ARID1B: variants seen among roughly 807,000 people sequenced by gnomAD.
The protein encoded by ARID1B is AT-rich interaction domain 1B.
ARID1B carries 30 observed loss-of-function variants against 212.3 expected under a neutral mutation model. The ratio of observed to expected loss-of-function variants is 0.14; its 90% CI spans 0.11 to 0.19. The LOEUF is 0.19. Among genes scored for constraint, ARID1B ranks in the 10% least tolerant of loss-of-function variants. The pLI is 1.00. For missense variants in ARID1B, 2,891 were observed against 3,204.0 expected (o/e 0.90, Z 2.36); for synonymous variants, 1,402 against 1,301.7 (o/e 1.08, Z -1.66).
chr6:157,098,567 G>A (rs559330697), intron 5 of ARID1B, among the ~76,000 whole-genome samples: 20 of 152,192 alleles, frequency 1.3e-4, no homozygotes, highest in African/African-American at 3.9e-4. Context: ...GGGATGCCTC[G>A]CAGATCCTCA....
intron 4 of ARID1B, among the ~76,000 whole-genome samples, chr6:157,068,199 A>G (rs1313758116): frequency 2.0e-5 from 3 of 152,260 alleles, no homozygotes; most frequent in African/African-American, 7.2e-5. Flanking sequence ...GAGCAAAATT[A>G]TTAGCACTCA....
chr6:157,194,289 C>A (rs1793574487), intron 15 of ARID1B: 1 of 152,154 alleles, frequency 6.6e-6, no homozygotes, highest in African/African-American at 2.4e-5. Flanking sequence ...AAAGTAACTT[C>A]AAAACTGGTT....
At chr6:156,983,094 C>CA (rs373895831) in intron 4 of ARID1B, among the ~76,000 whole-genome samples, 3,264 of 109,100 alleles carry the variant, frequency 0.03, 54 homozygotes, top group Non-Finnish European at 0.036. Context: ...GACCCTGTCT[C>CA]AAAAAAAAAA....
In ARID1B at chr6:156,779,368, G is replaced by A. The variant is rs771204934; in HGVS notation, c.1688G>A (p.Gly563Asp). ...AAGMGLGKDM[G>D]AQYAAASPAW... ...GGCATGGGCTTGGGCAAGGACATGGGCGCCCAGTACGCCGCTGCCAGCCCG... is the reference window on the plus strand; with the variant it reads ...GGCATGGGCTTGGGCAAGGACATGGACGCCCAGTACGCCGCTGCCAGCCCG... Residue 563 changes from glycine to aspartate, a missense_variant, in exon 1 of 20, where the codon GGC becomes GAC. Physicochemically the swap from Gly to Asp is moderately conservative, Grantham distance 94. Around this residue, in one of 7 missense-constraint regions of ARID1B, gnomAD observed 1,643 missense variants for 1,544.0 expected, o/e 1.06. Transcript: ENST00000636930. 10 of 1,344,862 alleles carry A rather than the reference G, an allele frequency of 7.4e-6. No homozygotes were observed. Among genetic ancestry groups the A allele is most frequent in the Non-Finnish European group, 9.6e-6 (10 of 1,042,276 alleles). 83.3% of individuals were successfully genotyped at this position (1,344,862 alleles called of 1,614,324 possible).
intron 3 of ARID1B, among the ~76,000 whole-genome samples, chr6:156,921,039 C>T (rs1192287302): frequency 6.6e-6 from 1 of 151,962 alleles, no homozygotes; most frequent in African/African-American, 2.4e-5. Context: ...GACTCCAGGA[C>T]CCTGGACCCC....
intron 6 of ARID1B, among the ~76,000 whole-genome samples, chr6:157,120,466 A>C (rs1002528329): frequency 6.6e-6 from 1 of 152,234 alleles, no homozygotes; most frequent in African/African-American, 2.4e-5. Flanking sequence ...GCCTGGGTTA[A>C]AGCCTTGAAC....
At chr6:156,814,252 C>T (rs1176482281) in intron 1 of ARID1B, among the ~76,000 whole-genome samples, 1 of 151,874 alleles carries the variant, frequency 6.6e-6, no homozygotes, top group Non-Finnish European at 1.5e-5. Context: ...CCCGTCTCTA[C>T]AAAAAATACA....
At chr6:156,840,431 G>A (rs754124316) in intron 2 of ARID1B, among the ~76,000 whole-genome samples, 5 of 152,174 alleles carry the variant, frequency 3.3e-5, no homozygotes, top group Non-Finnish European at 7.3e-5. Flanking sequence ...TGTTTTCCAC[G>A]GGTGTGGACC....
Position 156,935,485 on chromosome 6 carries a change from A to G in ARID1B, c.2156A>G (p.Tyr719Cys), listed in dbSNP as rs749173157. The change falls in exon 4 of 20, where the codon TAT becomes TGT. Residue 719 changes from tyrosine (Y) to cysteine (C), a missense_variant. Coordinates refer to ENST00000636930, the MANE Select transcript of ARID1B (RefSeq NM_001374828.1). ...TTTTAGGACATGTCTCAGGAAGGCT[A>G]TGGAACTAGATCTCAACCTCCTCTG... ...QPQQDMSQEG[Y>C]GTRSQPPLAP... is the part of the protein sequence containing the mutation. 22 of 1,613,674 alleles carry G rather than the reference A, an allele frequency of 1.4e-5. No individual in the cohort carries two copies. Among genetic ancestry groups the G allele is most frequent in the Middle Eastern group, 1.7e-4 (1 of 6,060 alleles).
intron 6 of ARID1B, among the ~76,000 whole-genome samples, chr6:157,116,981 T>C (rs1437624446): frequency 1.3e-5 from 2 of 152,222 alleles, no homozygotes; most frequent in Admixed American, 6.5e-5. Flanking sequence ...TGTGTTGTTC[T>C]AAGCCTCTGG....
Position 156,803,501 on chromosome 6 carries a change from G to A in ARID1B, c.1791+24030G>A, listed in dbSNP as rs373060835. ...CATCTTCCTCCCTCTGTACTTACCT[G>A]TCTTAAACTTACCTAGACTTACCTT... On this transcript the variant is annotated intron_variant, in intron 1 of 19. Coordinates refer to ENST00000636930, the MANE Select transcript of ARID1B (RefSeq NM_001374828.1). 5.1e-4 allele frequency among the ~76,000 whole-genome samples: 77 copies of A among 151,908 alleles called. No individual in the cohort carries two copies. In the South Asian group the frequency reaches 8.9e-3, roughly 18 times the overall value.
chr6:156,873,123 A>G (rs962416951), intron 2 of ARID1B, among the ~76,000 whole-genome samples: 11 of 152,168 alleles, frequency 7.2e-5, no homozygotes, highest in Non-Finnish European at 1.5e-4. Flanking sequence ...ATGGCTTCTC[A>G]TGTCTGCTCC....
intron 4 of ARID1B, among the ~76,000 whole-genome samples, chr6:157,064,594 C>T (rs17278646): frequency 0.13 from 19,546 of 152,210 alleles, 1,637 homozygotes; most frequent in Non-Finnish European, 0.18. Flanking sequence ...AAGTGGAGAA[C>T]GCACAACCCT....
chr6:156,807,805 A>C (rs1331420374), intron 1 of ARID1B, among the ~76,000 whole-genome samples: 1 of 152,226 alleles, frequency 6.6e-6, no homozygotes, highest in Non-Finnish European at 1.5e-5. Context: ...TTGTCTAAGC[A>C]GTCACTGAAC....
At chr6:156,867,591 A>G (rs961948681) in intron 2 of ARID1B, among the ~76,000 whole-genome samples, 1 of 151,094 alleles carries the variant, frequency 6.6e-6, no homozygotes, top group Non-Finnish European at 1.5e-5. Flanking sequence ...TTTTTTTTTC[A>G]TTTGGTTACA....
intron 4 of ARID1B, among the ~76,000 whole-genome samples, chr6:156,981,563 C>T (rs1395133428): frequency 6.6e-6 from 1 of 152,114 alleles, no homozygotes; most frequent in African/African-American, 2.4e-5. Context: ...TTAAATTCCT[C>T]AGTTTGGCAT....
At chr6:157,189,429 T>G (rs1184876130) in intron 13 of ARID1B, among the ~76,000 whole-genome samples, 1 of 152,242 alleles carries the variant, frequency 6.6e-6, no homozygotes, top group African/African-American at 2.4e-5. Flanking sequence ...CCAAATAGTT[T>G]ACTCAAAAAC....
intron 4 of ARID1B, among the ~76,000 whole-genome samples, chr6:157,056,203 A>G (rs1051709072): frequency 1.6e-4 from 25 of 152,316 alleles, no homozygotes; most frequent in Admixed American, 1.3e-3. Flanking sequence ...TGGGAGTTTT[A>G]GGAACCATCT....
intron 3 of ARID1B, among the ~76,000 whole-genome samples, chr6:156,929,714 C>T (rs1791541049): frequency 6.6e-6 from 1 of 152,138 alleles, no homozygotes; most frequent in Admixed American, 6.5e-5. Context: ...TCACTTATTC[C>T]AGATCCAGAC....
Sources: allele counts gnomAD v4.1 joint callset (sites outside exome capture counted in the v4.1 genomes callset), GRCh38; gene constraint gnomAD v4.1.1; regional missense constraint gnomAD v4.1.1; transcripts MANE v1.5; gene names NCBI Gene and HGNC (gene_info 2026-07-23, HGNC 2026-07-21).